ARID4A: variants seen among roughly 807,000 people sequenced by gnomAD.
ARID4A encodes the protein AT-rich interactive domain-containing protein 4A.
ARID4A carries 39 observed loss-of-function variants against 148.6 expected under a neutral mutation model. That is an observed-to-expected ratio of 0.26 (90% confidence interval 0.20 to 0.34). The LOEUF (loss-of-function observed/expected upper bound fraction) is 0.34. Ranked by LOEUF, ARID4A falls within the 10% of genes least tolerant of loss-of-function variation. The pLI is 1.00. For synonymous variants in ARID4A, 475 were observed against 481.2 expected (o/e 0.99, Z 0.17); for missense variants, 1,265 against 1,449.1 (o/e 0.87, Z 2.06).
chr14:58,364,405 T>G lies in ARID4A; in HGVS notation c.2316T>G (p.Phe772Leu), dbSNP rs1393164683. 2.5e-6 allele frequency: 4 copies of G among 1,611,696 alleles called. No individual in the cohort carries two copies. The highest frequency in any genetic ancestry group is 2.2e-5 in the East Asian group (1 of 44,786). Residue 772 changes from phenylalanine to leucine, a missense_variant, in exon 20 of 24, where the codon TTT (phenylalanine) becomes TTG (leucine). By Grantham distance (22) the Phe-to-Leu change is conservative. Coordinates refer to ENST00000355431, the MANE Select transcript of ARID4A (RefSeq NM_002892.4). ...AGAATGAACAAATAGTACAGATTTT[T>G]GGGAACAAAATGGAAAAAACAGAAG... Reference protein sequence around the residue: ...VGENEQIVQIFGNKMEKTEEV... With the variant: ...VGENEQIVQILGNKMEKTEEV...
At chr14:58,349,016 A>C (rs2034507060) in intron 15 of ARID4A, among the ~76,000 whole-genome samples, 1 of 152,056 alleles carries the variant, frequency 6.6e-6, no homozygotes, top group African/African-American at 2.4e-5. Flanking sequence ...GTAACTCCTC[A>C]TTCCTCCCCA....
chr14:58,349,984 C>T (rs1466811222), intron 15 of ARID4A, among the ~76,000 whole-genome samples: 2 of 151,462 alleles, frequency 1.3e-5, no homozygotes, highest in Admixed American at 6.6e-5. Context: ...TGGTGCGCGC[C>T]TGTAGTCCCA....
intron 5 of ARID4A, among the ~76,000 whole-genome samples, chr14:58,317,308 G>A (rs1313775089): frequency 2.9e-5 from 4 of 140,106 alleles, no homozygotes; most frequent in African/African-American, 1.1e-4. Flanking sequence ...TTTTTGGGAC[G>A]GAGTCTTGCT....
chr14:58,347,774 T>C lies in ARID4A; in HGVS notation c.1300T>C (p.Leu434=), dbSNP rs745363936. 1.2e-6 allele frequency: 2 copies of C among 1,613,774 alleles called. No homozygotes were observed. Among genetic ancestry groups the C allele is most frequent in the South Asian group, 2.2e-5 (2 of 91,078 alleles). Residue 434 remains leucine (L), a synonymous_variant, in exon 15 of 24, where the codon TTA becomes CTA. Coordinates refer to ENST00000355431, the MANE Select transcript of ARID4A (RefSeq NM_002892.4). ...AGAATCAATGGAAGAGGCTCTCAAA[T>C]TAGATCAAGAAATGCCTTTAACAGA... ...LEESMEEALK[L]DQEMPLTEVK... is the part of the protein sequence containing the mutation.
intron 11 of ARID4A, among the ~76,000 whole-genome samples, chr14:58,337,244 A>ATT (rs1491285292): frequency 1.7e-5 from 2 of 118,280 alleles, no homozygotes; most frequent in South Asian, 2.7e-4. Context: ...CCTTCTCTTT[A>ATT]TTTATATATA....
At chr14:58,346,837 A>C (rs989343195) in intron 13 of ARID4A, among the ~76,000 whole-genome samples, 183 bp from the exon 14 acceptor site, 6 of 142,822 alleles carry the variant, frequency 4.2e-5, no homozygotes, top group Non-Finnish European at 7.6e-5. Flanking sequence ...CTGAGGTGGG[A>C]GGATCACTTG....
At chr14:58,336,378 C>T (rs1298360571) in intron 11 of ARID4A, among the ~76,000 whole-genome samples, 2 of 152,188 alleles carry the variant, frequency 1.3e-5, no homozygotes, top group Admixed American at 1.3e-4. Context: ...CAGAATTCCA[C>T]TTGGGATGGG....
intron 4 of ARID4A, 94 bp from the exon 5 acceptor site, chr14:58,305,928 G>A: frequency 1.2e-6 from 1 of 816,324 alleles, no homozygotes; most frequent in Non-Finnish European, 2.1e-6. Context: ...CATAAGTATG[G>A]TGTTTATTTT....
intron 11 of ARID4A, among the ~76,000 whole-genome samples, chr14:58,344,392 AT>A (rs1369215141): frequency 6.6e-6 from 1 of 152,176 alleles, no homozygotes; most frequent in Non-Finnish European, 1.5e-5. Flanking sequence ...TTTAAAAAAA[AT>A]ATATCAGGTG....
At chr14:58,301,867 C>G (rs1225356016) in intron 3 of ARID4A, among the ~76,000 whole-genome samples, 177 bp downstream of exon 3, 1 of 152,110 alleles carries the variant, frequency 6.6e-6, no homozygotes, top group Non-Finnish European at 1.5e-5. Flanking sequence ...AGAAATTATT[C>G]CAAAATGCTA....
At chr14:58,358,022 G>T (rs1310119606) in intron 17 of ARID4A, among the ~76,000 whole-genome samples, 1 of 151,954 alleles carries the variant, frequency 6.6e-6, no homozygotes, top group African/African-American at 2.4e-5. Flanking sequence ...GGGCAACATG[G>T]CAAAACCCGT....
chr14:58,327,062 A>G lies in ARID4A; in HGVS notation c.583-1175A>G, dbSNP rs778675221. ...CTGATGTGACTGCCAAGAATATTCA[A>G]TTATCTGGATATACACTATTCAGTA... On this transcript the variant is annotated intron_variant, in intron 8 of 23. Transcript: ENST00000355431. 5.4e-4 allele frequency among the ~76,000 whole-genome samples: 82 copies of G among 152,334 alleles called. 1 individual carries two copies. The highest frequency in any genetic ancestry group is 8.3e-4 in the South Asian group (4 of 4,822).
At chr14:58,309,397 A>G (rs1015675146) in intron 5 of ARID4A, among the ~76,000 whole-genome samples, 2 of 152,146 alleles carry the variant, frequency 1.3e-5, no homozygotes, top group Admixed American at 6.5e-5. Flanking sequence ...TTACTCATTG[A>G]TAGTTGTTAT....
At chr14:58,343,385 T>A (rs2034207695) in intron 11 of ARID4A, among the ~76,000 whole-genome samples, 1 of 152,224 alleles carries the variant, frequency 6.6e-6, no homozygotes, top group Non-Finnish European at 1.5e-5. Flanking sequence ...TTTTTTATTA[T>A]ATATTTTGAT....
intron 5 of ARID4A, among the ~76,000 whole-genome samples, chr14:58,318,061 G>A (rs1271229448): frequency 6.6e-6 from 1 of 152,014 alleles, no homozygotes; most frequent in African/African-American, 2.4e-5. Context: ...GAATTTGGCA[G>A]CTGGTACATG....
intron 16 of ARID4A, 152 bp downstream of exon 16, chr14:58,351,475 T>G: frequency 9.6e-7 from 1 of 1,039,054 alleles, no homozygotes; most frequent in Non-Finnish European, 1.4e-6. Context: ...GTGAAGATGA[T>G]GTGTATTGCC....
intron 11 of ARID4A, among the ~76,000 whole-genome samples, chr14:58,341,657 T>C (rs1160588242): frequency 6.6e-6 from 1 of 152,216 alleles, no homozygotes; most frequent in African/African-American, 2.4e-5. Context: ...TGGTAACCAT[T>C]AGTAGATGTT....
Position 58,330,036 on chromosome 14 carries a change from G to C in ARID4A, c.773G>C (p.Arg258Thr). The change falls in exon 11 of 24, where the codon AGA becomes ACA. Residue 258 changes from arginine (R) to threonine (T), a missense_variant. Arg to Thr is a moderately conservative substitution (Grantham distance 71). Around this residue, in one of 9 missense-constraint regions of ARID4A, gnomAD observed 249 missense variants for 277.2 expected, o/e 0.90. Transcript: ENST00000355431. ...LQKASIFLKT[R>T]VVPDNWKMDI... ...AAAGCAAGCATCTTCTTAAAAACTA[G>C]AGTTGTTCCTGATAATTGGAAAATG... is the stretch of plus-strand genomic sequence containing the variant. 1 of 1,611,502 alleles carries C rather than the reference G, an allele frequency of 6.2e-7. No individual in the cohort carries two copies. Among genetic ancestry groups the C allele is most frequent in the Non-Finnish European group, 8.5e-7 (1 of 1,179,390 alleles).
At chr14:58,307,760 C>T (rs2031720507) in intron 5 of ARID4A, among the ~76,000 whole-genome samples, 2 of 152,158 alleles carry the variant, frequency 1.3e-5, no homozygotes, top group South Asian at 4.1e-4. Context: ...GCGGAGGTTG[C>T]AGTAAGCCTA....
Sources: allele counts gnomAD v4.1 joint callset (sites outside exome capture counted in the v4.1 genomes callset), GRCh38; gene constraint gnomAD v4.1.1; regional missense constraint gnomAD v4.1.1; transcripts MANE v1.5; gene names NCBI Gene and HGNC (gene_info 2026-07-23, HGNC 2026-07-21).